Variants in KBTBD11 observed in about 807,000 individuals in gnomAD.
KBTBD11 encodes kelch repeat and BTB domain-containing protein 11.
For missense variants in KBTBD11, 1,390 were observed against 1,001.8 expected (o/e 1.39, Z -5.23); for synonymous variants, 747 against 499.0 (o/e 1.50, Z -6.63).
chr8:2,001,733 C>T lies in KBTBD11; in HGVS notation c.541C>T (p.Leu181=), dbSNP rs1174947243. 6 of 1,365,228 alleles carry T rather than the reference C, an allele frequency of 4.4e-6. No individual in the cohort carries two copies. Among genetic ancestry groups the T allele is most frequent in the East Asian group, 3.2e-5 (1 of 31,682 alleles). The allele number at this position is 1,365,228 out of a possible 1,614,324, so 84.6% of individuals were successfully genotyped here. A position where few individuals can be genotyped will look rare whatever the true frequency, so the allele number is the denominator to read the frequency against. ...RDVLRVQGVS[L]TALRLLLADA... ...CGTGCTGCGGGTGCAGGGAGTGAGC[C>T]TGACGGCGCTGCGGCTGCTCCTCGC... The change falls in exon 2 of 2, where the codon CTG becomes TTG. Residue 181 remains leucine, a synonymous_variant. Transcript: ENST00000320248.
rs953693800 is a variant in KBTBD11 at position 2,002,218 on chromosome 8, G to T, written c.1026G>T (p.Arg342=). 1.0e-5 allele frequency: 13 copies of T among 1,265,088 alleles called. No homozygotes were observed. Among genetic ancestry groups the T allele is most frequent in the Non-Finnish European group, 1.2e-5 (12 of 1,009,482 alleles). The allele number at this position is 1,265,088 out of a possible 1,614,324, so 78.4% of individuals were successfully genotyped here. The stretch of plus-strand genomic sequence containing the variant: ...CCGGAGAGTGGCGCGAGCTGACGCG[G>T]CTGCCCGAGGGCGCGCCGGCGCGGG... ...AAAGEWRELT[R]LPEGAPARGC... Residue 342 remains arginine (R), a synonymous_variant, in exon 2 of 2, where the codon CGG becomes CGT. Coordinates refer to ENST00000320248, the MANE Select transcript of KBTBD11 (RefSeq NM_014867.3). This position sits in a 1 kb window ranked among gnomAD's most constrained non-coding sequence, Gnocchi z 4.1.
At chr8:1,984,045 A>C (rs1816627528) in intron 1 of KBTBD11, among the ~76,000 whole-genome samples, 1 of 152,190 alleles carries the variant, frequency 6.6e-6, no homozygotes, top group Non-Finnish European at 1.5e-5. Context: ...CAGGAGAATC[A>C]CTTGAACCTG....
intron 1 of KBTBD11, among the ~76,000 whole-genome samples, chr8:1,997,494 T>G (rs1056722766): frequency 1.3e-5 from 2 of 152,088 alleles, no homozygotes; most frequent in Non-Finnish European, 2.9e-5. Context: ...CCACATGGTG[T>G]GTGACACCAC....
chr8:1,978,404 G>A (rs1392389078), intron 1 of KBTBD11, among the ~76,000 whole-genome samples: 10 of 152,264 alleles, frequency 6.6e-5, no homozygotes, highest in Admixed American at 3.3e-4. Flanking sequence ...TGCTGCCTGA[G>A]GCTTGCGCCA....
At position 2,006,631 on chromosome 8, in the gene KBTBD11, C is replaced by T. The variant is rs565315178; in HGVS notation, c.*3567C>T. The T allele has an allele frequency of 1.2e-5, 2 of 167,222 alleles. No homozygotes were observed. Among genetic ancestry groups the T allele is most frequent in the South Asian group, 2.1e-4 (1 of 4,830 alleles). The allele number at this position is 167,222 out of a possible 1,614,324, so 10.4% of individuals were successfully genotyped here. ...GCACCCGGCACAGACACTGTGCTGGCAGGAGCTTCAGACACGCCAAGTGGA... is the reference window on the plus strand; with the variant it reads ...GCACCCGGCACAGACACTGTGCTGGTAGGAGCTTCAGACACGCCAAGTGGA... On this transcript the variant is annotated 3_prime_UTR_variant, in exon 2 of 2. Coordinates refer to ENST00000320248, the MANE Select transcript of KBTBD11 (RefSeq NM_014867.3).
intron 1 of KBTBD11, among the ~76,000 whole-genome samples, chr8:1,997,419 C>T (rs1476889442): frequency 6.6e-6 from 1 of 150,830 alleles, no homozygotes; most frequent in Non-Finnish European, 1.5e-5. Flanking sequence ...AAAAAAAAGT[C>T]TTAATGTTGA....
intron 1 of KBTBD11, among the ~76,000 whole-genome samples, chr8:1,993,921 C>CTA (rs1817031412): frequency 2.5e-5 from 1 of 39,302 alleles, no homozygotes; most frequent in Non-Finnish European, 6.8e-5. Context: ...ACAATACCCC[C>CTA]TACACACACA....
chr8:1,985,225 G>A (rs1423862057), intron 1 of KBTBD11, among the ~76,000 whole-genome samples: 4 of 152,260 alleles, frequency 2.6e-5, no homozygotes, highest in African/African-American at 9.6e-5. Context: ...AGAGCACCTC[G>A]TGAGGTGTCC....
intron 1 of KBTBD11, among the ~76,000 whole-genome samples, chr8:1,986,264 C>T (rs1427002695): frequency 6.6e-6 from 1 of 152,182 alleles, no homozygotes; most frequent in Non-Finnish European, 1.5e-5. Flanking sequence ...AGCTGAATAT[C>T]CTACTTTTGA....
chr8:1,986,054 C>G (rs1458051052), intron 1 of KBTBD11, among the ~76,000 whole-genome samples: 1 of 152,196 alleles, frequency 6.6e-6, no homozygotes. Flanking sequence ...ATTTCTGCAT[C>G]AAAAATAGTA....
At position 1,985,743 on chromosome 8, in the gene KBTBD11, T is replaced by C. The variant is rs548636049; in HGVS notation, c.-909+11808T>C. Reference sequence around the variant, plus strand: ...GGGAGTCCCAGGCTGCAGTGAGCCATGATTGCACCCCTGCAACCCAGCCTG... The same window carrying C: ...GGGAGTCCCAGGCTGCAGTGAGCCACGATTGCACCCCTGCAACCCAGCCTG... On this transcript the variant is annotated intron_variant, in intron 1 of 1. Coordinates refer to ENST00000320248, the MANE Select transcript of KBTBD11 (RefSeq NM_014867.3). Among the ~76,000 whole-genome samples, 116 of 152,352 alleles carry C rather than the reference T, an allele frequency of 7.6e-4. 1 individual carries two copies. Among genetic ancestry groups the C allele is most frequent in the African/African-American group, 2.1e-3 (87 of 41,588 alleles).
chr8:1,977,840 G>A (rs1197445535), intron 1 of KBTBD11, among the ~76,000 whole-genome samples: 1 of 152,090 alleles, frequency 6.6e-6, no homozygotes, highest in African/African-American at 2.4e-5. Context: ...CCAGCTCAGA[G>A]CAATTATTTT....
intron 1 of KBTBD11, among the ~76,000 whole-genome samples, chr8:1,979,318 T>G (rs949810654): frequency 4.6e-5 from 7 of 152,212 alleles, no homozygotes; most frequent in Non-Finnish European, 7.3e-5. Context: ...CCCATGTAAA[T>G]GTTAATCATG....
chr8:1,994,358 G>A (rs896086304), intron 1 of KBTBD11, among the ~76,000 whole-genome samples: 5 of 152,196 alleles, frequency 3.3e-5, no homozygotes, highest in Non-Finnish European at 5.9e-5. Context: ...CAGGATGCAG[G>A]GGCAACCGGC....
At chr8:1,979,108 A>G (rs1183197603) in intron 1 of KBTBD11, among the ~76,000 whole-genome samples, 4 of 152,104 alleles carry the variant, frequency 2.6e-5, no homozygotes, top group Non-Finnish European at 5.9e-5. Flanking sequence ...GGGATTAGAG[A>G]GCAAGATTGA....
intron 1 of KBTBD11, among the ~76,000 whole-genome samples, chr8:1,985,688 T>C (rs953511109): frequency 6.6e-6 from 1 of 152,260 alleles, no homozygotes; most frequent in East Asian, 1.9e-4. Flanking sequence ...GCCAGGTGCA[T>C]TGGCTCATGC....
intron 1 of KBTBD11, among the ~76,000 whole-genome samples, chr8:1,978,627 G>C (rs1816432644): frequency 6.6e-6 from 1 of 152,224 alleles, no homozygotes; most frequent in Admixed American, 6.5e-5. Flanking sequence ...GTCATGTTGT[G>C]TTGCTTCCCC....
intron 1 of KBTBD11, among the ~76,000 whole-genome samples, chr8:1,976,685 A>G (rs1333553550): frequency 1.3e-5 from 2 of 152,198 alleles, no homozygotes; most frequent in South Asian, 2.1e-4. Context: ...AAAGGCATTC[A>G]GCATATAATT....
At chr8:1,985,760 C>G (rs568716280) in intron 1 of KBTBD11, among the ~76,000 whole-genome samples, 14 of 152,314 alleles carry the variant, frequency 9.2e-5, no homozygotes, top group Admixed American at 4.6e-4. Context: ...ACCCCTGCAA[C>G]CCAGCCTGGG....
Sources: allele counts gnomAD v4.1 joint callset (sites outside exome capture counted in the v4.1 genomes callset), GRCh38; gene constraint gnomAD v4.1.1; non-coding constraint Gnocchi (gnomAD v3.1); transcripts MANE v1.5; gene names NCBI Gene and HGNC (gene_info 2026-07-23, HGNC 2026-07-21).